RALGPS1: variants seen among roughly 807,000 people sequenced by gnomAD.
RALGPS1 encodes ras-specific guanine nucleotide-releasing factor RalGPS1.
In RALGPS1, 19 loss-of-function variants were observed where a neutral mutation model predicts 78.8. The ratio of observed to expected loss-of-function variants is 0.24; its 90% CI spans 0.17 to 0.35. RALGPS1 has a LOEUF of 0.35. Among genes scored for constraint, RALGPS1 ranks in the 10% least tolerant of loss-of-function variants. The pLI is 1.00. For synonymous variants in RALGPS1, 228 were observed against 256.3 expected (o/e 0.89, Z 1.06); for missense variants, 454 against 688.3 (o/e 0.66, Z 3.81).
At position 127,133,776 on chromosome 9, in the gene RALGPS1, G is replaced by A. The variant is rs2057187619; in HGVS notation, c.611-32293G>A. Among the ~76,000 whole-genome samples, 3 of 152,106 alleles carry A rather than the reference G, an allele frequency of 2.0e-5. No individual in the cohort carries two copies. The South Asian group carries it at 6.2e-4, about 32-fold the overall frequency. On this transcript the variant is annotated intron_variant, in intron 8 of 18. Transcript: ENST00000259351. ...AACGTTTGGTAAACAGAATGCTTAA[G>A]CCGTGACTTGCTGGAAGGGGCAAAT...
At chr9:126,933,569 T>C (rs897835886) in intron 1 of RALGPS1, among the ~76,000 whole-genome samples, 1 of 152,028 alleles carries the variant, frequency 6.6e-6, no homozygotes, top group Non-Finnish European at 1.5e-5. Context: ...CAGCCCTGGC[T>C]CTCAGTGGAT....
chr9:126,949,113 TCATC>T (rs1263662634), intron 1 of RALGPS1, among the ~76,000 whole-genome samples: 1 of 152,214 alleles, frequency 6.6e-6, no homozygotes, highest in Admixed American at 6.5e-5. Flanking sequence ...ATTTCCAGTT[TCATC>T]CATGTCCCTA....
chr9:127,033,790 A>G (rs1032179606), intron 4 of RALGPS1, among the ~76,000 whole-genome samples: 2 of 152,238 alleles, frequency 1.3e-5, no homozygotes, highest in South Asian at 4.1e-4. Context: ...GATAAATAAA[A>G]TCTAGATAAT....
chr9:127,202,135 A>G, intron 14 of RALGPS1, among the ~76,000 whole-genome samples: 1 of 152,164 alleles, frequency 6.6e-6, no homozygotes, highest in Non-Finnish European at 1.5e-5. Flanking sequence ...CAGGCTAGGA[A>G]GAGAAATAGA....
chr9:127,156,920 C>A (rs2058734652), intron 8 of RALGPS1, among the ~76,000 whole-genome samples: 1 of 152,022 alleles, frequency 6.6e-6, no homozygotes, highest in African/African-American at 2.4e-5. Flanking sequence ...AGTAGAGATC[C>A]AGCTTTATAT....
At chr9:127,001,032 T>C (rs979090909) in intron 4 of RALGPS1, among the ~76,000 whole-genome samples, 1 of 151,578 alleles carries the variant, frequency 6.6e-6, no homozygotes, top group Admixed American at 6.6e-5. Context: ...CCCAACACTT[T>C]GGGAGGCTGA....
In RALGPS1 at chr9:127,212,165, T is replaced by A. The variant is rs1013200613; in HGVS notation, c.1282T>A (p.Ser428Thr). ...TGPCICSLGN[S>T]AAVPTMEGPL... Reference sequence around the variant, plus strand: ...CCCGTGCATCTGTTCTCTGGGGAACTCCGCAGCTGTGCCCACCATGGAGGG... The same window carrying A: ...CCCGTGCATCTGTTCTCTGGGGAACACCGCAGCTGTGCCCACCATGGAGGG... The change falls in exon 15 of 19, where the codon TCC becomes ACC. Residue 428 changes from serine to threonine, a missense_variant. Physicochemically the swap from Ser to Thr is moderately conservative, Grantham distance 58 (BLOSUM62 1). Transcript: ENST00000259351. The surrounding 1 kb of genome is among the most constrained non-coding windows in gnomAD (Gnocchi z 6.0). 2 of 1,613,774 alleles carry A rather than the reference T, an allele frequency of 1.2e-6. No homozygotes were observed. The highest frequency in any genetic ancestry group is 1.7e-6 in the Non-Finnish European group (2 of 1,179,884).
chr9:127,173,650 A>G (rs2059679739), intron 10 of RALGPS1, among the ~76,000 whole-genome samples: 1 of 152,180 alleles, frequency 6.6e-6, no homozygotes, highest in African/African-American at 2.4e-5. Context: ...CAGTCCTCAT[A>G]GCATGTCCGT....
intron 4 of RALGPS1, among the ~76,000 whole-genome samples, chr9:126,996,535 A>G (rs1356375887): frequency 5.3e-5 from 8 of 152,332 alleles, no homozygotes; most frequent in Non-Finnish European, 1.0e-4. Context: ...TTGAGGCAAT[A>G]ATCAATAGCT....
At chr9:127,008,400 G>A (rs1019538268) in intron 4 of RALGPS1, among the ~76,000 whole-genome samples, 1 of 152,228 alleles carries the variant, frequency 6.6e-6, no homozygotes, top group Admixed American at 6.5e-5. Context: ...CTTGTGAAGG[G>A]ATCTGGTTGG....
intron 8 of RALGPS1, among the ~76,000 whole-genome samples, chr9:127,157,524 T>A (rs905406602): frequency 4.6e-5 from 7 of 152,072 alleles, no homozygotes; most frequent in African/African-American, 1.4e-4. Flanking sequence ...TATATATTAT[T>A]TTTCTATCAA....
At chr9:127,029,247 C>T (rs1398534864) in intron 4 of RALGPS1, among the ~76,000 whole-genome samples, 1 of 152,140 alleles carries the variant, frequency 6.6e-6, no homozygotes, top group Non-Finnish European at 1.5e-5. Context: ...AGTCTAGGCC[C>T]TGAATGCCTT....
chr9:127,057,225 A>G (rs1270669743), intron 7 of RALGPS1, among the ~76,000 whole-genome samples: 1 of 152,134 alleles, frequency 6.6e-6, no homozygotes, highest in Non-Finnish European at 1.5e-5. Context: ...ATAGACACCT[A>G]CACTGCTTGG....
intron 2 of RALGPS1, among the ~76,000 whole-genome samples, chr9:126,964,731 C>T (rs1249581786): frequency 6.7e-6 from 1 of 150,366 alleles, no homozygotes. Context: ...TCGAAATCTG[C>T]AGGTTTAAGT....
intron 11 of RALGPS1, chr9:127,178,261 G>C (rs1461798763): frequency 2.8e-6 from 1 of 362,106 alleles, no homozygotes; most frequent in African/African-American, 2.1e-5. Context: ...AGAAAGCTGG[G>C]GGCAAGGGGT....
At chr9:127,025,674 T>G (rs1035252540) in intron 4 of RALGPS1, among the ~76,000 whole-genome samples, 6 of 152,128 alleles carry the variant, frequency 3.9e-5, no homozygotes, top group Non-Finnish European at 8.8e-5. Flanking sequence ...CCTGGTAAAG[T>G]GTATGAACAA....
At chr9:127,037,107 T>C (rs1452299290) in intron 5 of RALGPS1, among the ~76,000 whole-genome samples, 2 of 152,162 alleles carry the variant, frequency 1.3e-5, no homozygotes, top group Non-Finnish European at 2.9e-5. Context: ...TTTTGAAGAC[T>C]AAACAAGAAT....
chr9:127,091,773 A>G lies in RALGPS1; in HGVS notation c.610+22417A>G, dbSNP rs2052507948. Reference sequence around the variant, plus strand: ...CATGGTAGCGCCCCAGCCGCAGCTTATAATACTCGCTCTCAGGTTCCAGGC... The same window carrying G: ...CATGGTAGCGCCCCAGCCGCAGCTTGTAATACTCGCTCTCAGGTTCCAGGC... On this transcript the variant is annotated intron_variant, in intron 8 of 18. Transcript: ENST00000259351. This position sits in a 1 kb window ranked among gnomAD's most constrained non-coding sequence, Gnocchi z 4.3. 1.4e-5 allele frequency: 22 copies of G among 1,614,170 alleles called. No individual in the cohort carries two copies. Among genetic ancestry groups the G allele is most frequent in the South Asian group, 2.2e-5 (2 of 91,084 alleles).
At chr9:126,992,148 T>C (rs893116952) in intron 4 of RALGPS1, among the ~76,000 whole-genome samples, 1 of 152,230 alleles carries the variant, frequency 6.6e-6, no homozygotes, top group Non-Finnish European at 1.5e-5. Flanking sequence ...GTGACCATGG[T>C]CAAGTCACTT....
Sources: gnomAD v4.1 joint callset for allele counts (sites outside exome capture counted in the v4.1 genomes callset) on GRCh38, gnomAD v4.1.1 for gene constraint, Gnocchi (gnomAD v3.1) non-coding constraint, MANE v1.5 for transcripts, NCBI Gene and HGNC (gene_info 2026-07-23, HGNC 2026-07-21) for gene names.